Variants in SLC24A3 observed in about 807,000 individuals in gnomAD.
SLC24A3 encodes sodium/potassium/calcium exchanger 3.
In SLC24A3, 28 loss-of-function variants were observed where a neutral mutation model predicts 75.8. That is an observed-to-expected ratio of 0.37 (90% CI 0.27 to 0.51). The LOEUF (loss-of-function observed/expected upper bound fraction) is 0.51, where lower values mean the gene tolerates loss of function less well. SLC24A3 is among the 20% of genes least tolerant of loss of function. The probability of loss-of-function intolerance (pLI) is 0.94; values close to 1 mark genes in which losing one functional copy is unlikely to be tolerated. For synonymous variants in SLC24A3, 372 were observed against 334.1 expected (o/e 1.11, Z -1.24); for missense variants, 663 against 847.8 (o/e 0.78, Z 2.71).
At chr20:19,291,899 C>G (rs1983951352) in intron 2 of SLC24A3, among the ~76,000 whole-genome samples, 1 of 152,248 alleles carries the variant, frequency 6.6e-6, no homozygotes, top group African/African-American at 2.4e-5. Context: ...GTCCAAAGAG[C>G]AGGCTGGACT....
chr20:19,227,067 A>AC (rs2122141507), intron 1 of SLC24A3, among the ~76,000 whole-genome samples: 1 of 152,322 alleles, frequency 6.6e-6, no homozygotes, highest in South Asian at 2.1e-4. Flanking sequence ...CTTTCCAGGA[A>AC]TTGGAACAAA....
intron 2 of SLC24A3, among the ~76,000 whole-genome samples, chr20:19,507,680 A>G (rs1988480953): frequency 6.6e-6 from 1 of 152,240 alleles, no homozygotes; most frequent in Non-Finnish European, 1.5e-5. Flanking sequence ...TAACTTTGAA[A>G]GGGATGTAGA....
At chr20:19,260,933 G>C (rs1176418141) in intron 1 of SLC24A3, among the ~76,000 whole-genome samples, 1 of 152,194 alleles carries the variant, frequency 6.6e-6, no homozygotes, top group Non-Finnish European at 1.5e-5. Context: ...GGATCAGGTC[G>C]AGTCACAGAT....
rs1262856848 is a variant in SLC24A3 at position 19,717,513 on chromosome 20, A to G, written c.1720-15A>G. ...CCTAGCTTGTCAGAAGCCTAACTCT[A>G]ACCCTCTCTTACAGATCCGGCTGAA... On this transcript the variant is annotated splice_polypyrimidine_tract_variant and intron_variant, in intron 15 of 16. Transcript: ENST00000328041. 3.1e-6 allele frequency: 5 copies of G among 1,613,742 alleles called. No individual in the cohort carries two copies. The highest frequency in any genetic ancestry group is 4.2e-6 in the Non-Finnish European group (5 of 1,179,726).
chr20:19,528,131 C>T (rs1056641825), intron 3 of SLC24A3, among the ~76,000 whole-genome samples: 13 of 152,156 alleles, frequency 8.5e-5, no homozygotes, highest in Admixed American at 2.0e-4. Context: ...TTAAAGGCTC[C>T]TGAAAATTTT....
intron 1 of SLC24A3, among the ~76,000 whole-genome samples, chr20:19,278,792 G>T (rs1983566949): frequency 6.6e-6 from 1 of 152,112 alleles, no homozygotes; most frequent in Non-Finnish European, 1.5e-5. Context: ...AAACCTGGGG[G>T]GCTCTCCTGG....
chr20:19,678,384 G>A (rs1469900107), intron 9 of SLC24A3, among the ~76,000 whole-genome samples: 1 of 130,682 alleles, frequency 7.7e-6, no homozygotes, highest in African/African-American at 3.0e-5. Context: ...GCCGGGCAGA[G>A]GGGCTCCTCA....
chr20:19,218,436 C>T (rs750240273), intron 1 of SLC24A3, among the ~76,000 whole-genome samples: 1 of 152,222 alleles, frequency 6.6e-6, no homozygotes, highest in Non-Finnish European at 1.5e-5. Context: ...CTGCGTTTTC[C>T]AGCCTCTGTG....
chr20:19,249,285 C>T (rs961733861), intron 1 of SLC24A3, among the ~76,000 whole-genome samples: 6 of 152,090 alleles, frequency 3.9e-5, no homozygotes, highest in African/African-American at 1.4e-4. Flanking sequence ...TTTCCTAAGC[C>T]CTGGCAAGCT....
At chr20:19,548,419 G>A (rs1416494601) in intron 3 of SLC24A3, among the ~76,000 whole-genome samples, 1 of 152,092 alleles carries the variant, frequency 6.6e-6, no homozygotes, top group Non-Finnish European at 1.5e-5. Flanking sequence ...ACTCTAAATA[G>A]GTCTGTGCAC....
chr20:19,714,529 C>T (rs1238356421), intron 15 of SLC24A3, among the ~76,000 whole-genome samples: 2 of 152,082 alleles, frequency 1.3e-5, no homozygotes, highest in African/African-American at 4.8e-5. Flanking sequence ...AAGGAGCCCT[C>T]ATTCCTGCCT....
At chr20:19,345,020 G>A (rs1336891980) in intron 2 of SLC24A3, among the ~76,000 whole-genome samples, 1 of 152,154 alleles carries the variant, frequency 6.6e-6, no homozygotes, top group African/African-American at 2.4e-5. Flanking sequence ...AAGACACACT[G>A]ATTTGGAAGA....
chr20:19,230,195 T>A (rs975688146), intron 1 of SLC24A3, among the ~76,000 whole-genome samples: 1 of 152,156 alleles, frequency 6.6e-6, no homozygotes, highest in Non-Finnish European at 1.5e-5. Flanking sequence ...CTCCTGTCCC[T>A]TCAGCGCCCT....
chr20:19,609,463 T>C (rs2031642726), intron 6 of SLC24A3, among the ~76,000 whole-genome samples: 1 of 152,184 alleles, frequency 6.6e-6, no homozygotes, highest in Non-Finnish European at 1.5e-5. Context: ...AGGCTTTTGT[T>C]ATATAGGTAT....
chr20:19,359,295 G>A (rs1018037291), intron 2 of SLC24A3, among the ~76,000 whole-genome samples: 14 of 152,116 alleles, frequency 9.2e-5, no homozygotes, highest in African/African-American at 3.4e-4. Context: ...CCATGTTTAT[G>A]ATTCCTCTGT....
chr20:19,531,135 G>A (rs775125655), intron 3 of SLC24A3, among the ~76,000 whole-genome samples: 18 of 150,900 alleles, frequency 1.2e-4, no homozygotes, highest in Non-Finnish European at 2.2e-4. Context: ...TGAGCAGAAA[G>A]GCCCCCTGAT....
chr20:19,585,237 C>T (rs953935966), intron 5 of SLC24A3, among the ~76,000 whole-genome samples, 182 bp downstream of exon 5: 8 of 152,174 alleles, frequency 5.3e-5, no homozygotes, highest in South Asian at 4.1e-4. Flanking sequence ...GATGCTTTTA[C>T]TGTGCATGAA....
At chr20:19,230,631 GGAA>G (rs1981993500) in intron 1 of SLC24A3, among the ~76,000 whole-genome samples, 1 of 88,776 alleles carries the variant, frequency 1.1e-5, no homozygotes, top group Non-Finnish European at 2.7e-5. Flanking sequence ...TTGATGGGGG[GGAA>G]TGGATGGGTA....
chr20:19,599,423 G>A (rs1269628454), intron 6 of SLC24A3, among the ~76,000 whole-genome samples: 1 of 152,162 alleles, frequency 6.6e-6, no homozygotes, highest in Non-Finnish European at 1.5e-5. Context: ...GGTCCCTCCC[G>A]CGCACCTGGT....
Sources: gnomAD v4.1 joint callset for allele counts (sites outside exome capture counted in the v4.1 genomes callset) on GRCh38, gnomAD v4.1.1 for gene constraint, MANE v1.5 for transcripts, NCBI Gene and HGNC (gene_info 2026-07-23, HGNC 2026-07-21) for gene names.